Variants in ECT2 observed in about 807,000 individuals in gnomAD.
The protein encoded by ECT2 is epithelial cell transforming 2.
In ECT2, 61 loss-of-function variants were observed where a neutral mutation model predicts 116.9. The ratio of observed to expected loss-of-function variants is 0.52; its 90% CI spans 0.42 to 0.65. The LOEUF (loss-of-function observed/expected upper bound fraction) is 0.65. Among genes scored for constraint, ECT2 ranks in the 30% least tolerant of loss-of-function variants. The pLI is 0.00. For synonymous variants in ECT2, 358 were observed against 346.4 expected (o/e 1.03, Z -0.37); for missense variants, 937 against 1,078.7 (o/e 0.87, Z 1.84).
chr3:172,775,519 C>T (rs1450679607), intron 14 of ECT2, among the ~76,000 whole-genome samples: 2 of 152,060 alleles, frequency 1.3e-5, no homozygotes, highest in Non-Finnish European at 2.9e-5. Context: ...AATCCTATTC[C>T]AATTAGGATT....
intron 18 of ECT2, among the ~76,000 whole-genome samples, chr3:172,798,917 C>G (rs1378792310): frequency 6.6e-6 from 1 of 152,142 alleles, no homozygotes; most frequent in Admixed American, 6.5e-5. Context: ...GGTTCCTAGC[C>G]TTACAGTGAG....
intron 14 of ECT2, among the ~76,000 whole-genome samples, chr3:172,776,198 C>CTTTTTTTTTTTTTTTTT (rs60558773): frequency 9.0e-6 from 1 of 111,598 alleles, no homozygotes; most frequent in Admixed American, 9.6e-5. Context: ...TCAGTTTTTT[C>CTTTTTTTTTTTTTTTTT]TTTTTTTTTT....
In ECT2 at chr3:172,816,827, C is replaced by T. The variant is rs1159408512; in HGVS notation, c.2645C>T (p.Ser882Leu). 1 of 1,583,852 alleles carries T rather than the reference C, an allele frequency of 6.3e-7. No individual in the cohort carries two copies. Among genetic ancestry groups the T allele is most frequent in the African/African-American group, 1.3e-5 (1 of 74,450 alleles). The change falls in exon 24 of 25, where the codon TCA becomes TTA. Residue 882 changes from serine to leucine, a missense_variant. Transcript: ENST00000392692. The part of the protein sequence containing the change: ...KHVMSRLSST[S>L]SLAGIPSPSL... ...GTAATGAGTCGTCTTTCTAGCACAT[C>T]ATCATTAGCAGTAAGTTATTTTGAT...
rs79882079 is a variant in ECT2, at chr3:172,766,002, C to T, written c.1291+1502C>T. On this transcript the variant is annotated intron_variant, in intron 12 of 24. Transcript: ENST00000392692. The stretch of plus-strand genomic sequence containing the variant: ...TAGTTGTTTTTAGTAGTAGTTCTTA[C>T]GATAGAAATTACAGTACTTGTTTAC... 1.1e-4 allele frequency among the ~76,000 whole-genome samples: 16 copies of T among 152,256 alleles called. No individual in the cohort carries two copies. In the East Asian group the frequency reaches 3.1e-3, roughly 29 times the overall value.
chr3:172,765,620 T>G (rs542203377), intron 12 of ECT2, among the ~76,000 whole-genome samples: 322 of 152,312 alleles, frequency 2.1e-3, no homozygotes, highest in Non-Finnish European at 3.6e-3. Context: ...GTCTCCTAAA[T>G]AGTCTCTCCC....
intron 5 of ECT2, among the ~76,000 whole-genome samples, chr3:172,758,468 T>TACACACACACACACACACACAC (rs138087804): frequency 3.2e-4 from 48 of 151,006 alleles, no homozygotes; most frequent in East Asian, 7.8e-4. Context: ...TTCTCTTTTA[T>TACACACACACACACACACACAC]ACACACACAC....
rs1160147168 is a variant in ECT2, at chr3:172,771,713, A to G, written c.1429-2190A>G. ...CTTTGAAGGAGGAATTCAAGAGGGG[A>G]AATTGGGGAATCAATGATAATTTAG... On this transcript the variant is annotated intron_variant, in intron 13 of 24. Transcript: ENST00000392692. 2.0e-5 allele frequency among the ~76,000 whole-genome samples: 3 copies of G among 152,216 alleles called. No individual in the cohort carries two copies. In the East Asian group the frequency reaches 5.8e-4, roughly 29 times the overall value.
At chr3:172,826,656 G>A in the ECT2 span, among the ~76,000 whole-genome samples, 1 of 152,194 alleles carries the variant, frequency 6.6e-6, no homozygotes, top group East Asian at 1.9e-4. Flanking sequence ...TTCATGAGAG[G>A]AAGTCAACTA....
chr3:172,825,477 G>GT (rs2109471914), downstream of ECT2, among the ~76,000 whole-genome samples: 1 of 152,276 alleles, frequency 6.6e-6, no homozygotes, highest in South Asian at 2.1e-4. Flanking sequence ...TGCAAAAAGA[G>GT]TTACTGAAGG....
At chr3:172,793,103 C>G (rs1378087897) in intron 18 of ECT2, among the ~76,000 whole-genome samples, 1 of 152,162 alleles carries the variant, frequency 6.6e-6, no homozygotes, top group African/African-American at 2.4e-5. Flanking sequence ...GTGTGGTGTT[C>G]CAGAGCTTCC....
At chr3:172,764,003 G>A (rs550922578) in intron 11 of ECT2, among the ~76,000 whole-genome samples, 6 of 152,316 alleles carry the variant, frequency 3.9e-5, no homozygotes, top group Admixed American at 3.3e-4. Context: ...GAGTTGATGA[G>A]CTAATGAAGG....
At position 172,764,342 on chromosome 3, in the gene ECT2, G is replaced by A. The variant is rs542101248; in HGVS notation, c.1133G>A (p.Arg378His). 26 of 1,614,018 alleles carry A rather than the reference G, an allele frequency of 1.6e-5. No homozygotes were observed. The East Asian group carries it at 3.6e-4, about 22-fold the overall frequency. The change falls in exon 12 of 25, where the codon CGC becomes CAC. Residue 378 changes from arginine (R) to histidine (H), a missense_variant. Coordinates refer to ENST00000392692, the MANE Select transcript of ECT2 (RefSeq NM_001258315.2). ...MLSLNTPNSN[R>H]KRRRLKETLA... Reference sequence around the variant, plus strand: ...TCTCTAAATACCCCTAACAGCAATCGCAAACGACGTCGTTTAAAAGAAACA... The same window carrying A: ...TCTCTAAATACCCCTAACAGCAATCACAAACGACGTCGTTTAAAAGAAACA...
chr3:172,791,168 G>A (rs1724589201), intron 18 of ECT2, among the ~76,000 whole-genome samples: 1 of 152,176 alleles, frequency 6.6e-6, no homozygotes, highest in African/African-American at 2.4e-5. Flanking sequence ...AAAAAAATTA[G>A]TAAACCATGG....
Position 172,820,261 on chromosome 3 carries a change from T to C in ECT2, c.*24T>C. The C allele has an allele frequency of 1.3e-6, 2 of 1,524,902 alleles. No homozygotes were observed. The highest frequency in any genetic ancestry group is 1.8e-6 in the Non-Finnish European group (2 of 1,109,076). The allele number at this position is 1,524,902 out of a possible 1,614,324, so 94.5% of individuals were successfully genotyped here. A position where few individuals can be genotyped will look rare whatever the true frequency, so the allele number is the denominator to read the frequency against. ...GAAGCGTTACCAAAATCTTAAATTA[T>C]AGAAATGTATAGACACCTCATACTC... is the stretch of plus-strand genomic sequence containing the variant. On this transcript the variant is annotated 3_prime_UTR_variant, in exon 25 of 25. Transcript: ENST00000392692.
In ECT2 at chr3:172,762,732, C is replaced by G. The variant is rs185535917; in HGVS notation, c.931C>G (p.Leu311Val). ...LPLGDERCTH[L>V]VVEENIVKDL... ...GCTTGGAGATGAAAGATGCACTCAC[C>G]TTGTAGTTGAAGAGAATATAGTAAA... The change falls in exon 10 of 25, where the codon CTT (leucine) becomes GTT (valine). Residue 311 changes from leucine (L) to valine (V), a missense_variant. Coordinates refer to ENST00000392692, the MANE Select transcript of ECT2 (RefSeq NM_001258315.2). 2.4e-5 allele frequency: 38 copies of G among 1,613,190 alleles called. No homozygotes were observed. In the Admixed American group the frequency reaches 4.3e-4, roughly 18 times the overall value.
intron 23 of ECT2, among the ~76,000 whole-genome samples, chr3:172,816,452 T>C (rs1307825578): frequency 2.6e-5 from 4 of 152,114 alleles, no homozygotes; most frequent in African/African-American, 9.7e-5. Context: ...AACTTAGGTC[T>C]CTTCTCTCCC....
At chr3:172,755,034 CTA>C (rs1481183766) in intron 2 of ECT2, among the ~76,000 whole-genome samples, 1 of 151,614 alleles carries the variant, frequency 6.6e-6, no homozygotes. Flanking sequence ...AGGAGGATGA[CTA>C]TGTAAGATAG....
intron 20 of ECT2, 85 bp downstream of exon 20, chr3:172,803,065 G>T: frequency 8.0e-7 from 1 of 1,246,412 alleles, no homozygotes; most frequent in Non-Finnish European, 1.1e-6. Flanking sequence ...TAATTGAAGA[G>T]TAATGTAGAA....
intron 14 of ECT2, 68 bp downstream of exon 14, chr3:172,774,090 G>A: frequency 6.8e-7 from 1 of 1,476,214 alleles, no homozygotes; most frequent in Non-Finnish European, 9.3e-7. Flanking sequence ...TGATCTTTGA[G>A]GTACTTCTGG....
Sources: allele counts gnomAD v4.1 joint callset (sites outside exome capture counted in the v4.1 genomes callset), GRCh38; gene constraint gnomAD v4.1.1; transcripts MANE v1.5; gene names NCBI Gene and HGNC (gene_info 2026-07-23, HGNC 2026-07-21).